The following MICAL2 variants were observed in gnomAD, a reference collection of about 807,000 sequenced individuals.
MICAL2 encodes the protein [F-actin]-monooxygenase MICAL2.
MICAL2 carries 77 observed loss-of-function variants against 127.3 expected under a neutral mutation model. That is an observed-to-expected ratio of 0.60 (90% confidence interval 0.50 to 0.73). MICAL2 has a LOEUF of 0.73. Ranked by LOEUF, MICAL2 falls within the 30% of genes least tolerant of loss-of-function variation. The probability of loss-of-function intolerance (pLI) is 0.00; values close to 1 mark genes in which losing one functional copy is unlikely to be tolerated. For synonymous variants in MICAL2, 570 were observed against 551.1 expected (o/e 1.03, Z -0.48); for missense variants, 1,351 against 1,434.4 (o/e 0.94, Z 0.94).
chr11:12,355,112 G>T (rs1939110838), intron 34 of MICAL2, among the ~76,000 whole-genome samples: 1 of 152,200 alleles, frequency 6.6e-6, no homozygotes, highest in Non-Finnish European at 1.5e-5. Flanking sequence ...ATTCATTCAT[G>T]TATCCACCCA....
intron 29 of MICAL2, among the ~76,000 whole-genome samples, chr11:12,311,497 T>C (rs12793369): frequency 0.4 from 60,778 of 151,884 alleles, 14,778 homozygotes; most frequent in Non-Finnish European, 0.55. Flanking sequence ...CTGCAACCTC[T>C]GCCTCTGGGG....
chr11:12,126,422 C>A (rs895697194), intron 1 of MICAL2, among the ~76,000 whole-genome samples: 8 of 152,122 alleles, frequency 5.3e-5, no homozygotes, highest in African/African-American at 1.9e-4. Context: ...GTCTAACATC[C>A]TTTGAAAACA....
rs760224619 is a variant in MICAL2, at chr11:12,258,473, T to C, written c.3148T>C (p.Phe1050Leu). 6 of 1,613,974 alleles carry C rather than the reference T, an allele frequency of 3.7e-6. No individual in the cohort carries two copies. Among genetic ancestry groups the C allele is most frequent in the Non-Finnish European group, 4.2e-6 (5 of 1,179,970 alleles). Residue 1050 changes from phenylalanine (F) to leucine (L), a missense_variant, in exon 25 of 28, where the codon TTT becomes CTT. Phe to Leu is a conservative substitution (Grantham distance 22, BLOSUM62 0). Coordinates refer to ENST00000683283, the MANE Select transcript of MICAL2 (RefSeq NM_001282663.2). ...AYTFDCDEGK[F>L]YCKPHFIHCK... ...GTGTGTGCCTCTTTTTACAGGCAAA[T>C]TTTACTGCAAGCCTCACTTCATTCA...
intron 2 of MICAL2, among the ~76,000 whole-genome samples, chr11:12,160,071 C>T (rs1168531681): frequency 6.6e-6 from 1 of 151,818 alleles, no homozygotes; most frequent in Admixed American, 6.6e-5. Context: ...GTGCTAGTCT[C>T]CCTTCAAGCC....
intron 13 of MICAL2, 106 bp downstream of exon 13, chr11:12,224,926 C>T: frequency 7.3e-7 from 1 of 1,361,812 alleles, no homozygotes. Context: ...TTCTGTGTTT[C>T]AATTTGAGAT....
At position 12,242,282 on chromosome 11, in the gene MICAL2, C is replaced by T; in HGVS notation, c.2406C>T (p.Cys802=). The T allele has an allele frequency of 6.2e-7, 1 of 1,614,042 alleles. No homozygotes were observed. Among genetic ancestry groups the T allele is most frequent in the Admixed American group, 1.7e-5 (1 of 60,006 alleles). ...ELKQVSAGSE[C]LSRPWRARAK... is the part of the protein sequence containing the mutation. ...AGCAAGTGTCTGCTGGCAGTGAGTG[C>T]CTGAGCAGACCTTGGAGAGCCAGAG... is the stretch of plus-strand genomic sequence containing the variant. Residue 802 remains cysteine, a synonymous_variant, in exon 19 of 28, where the codon TGC becomes TGT. Transcript: ENST00000683283.
intron 3 of MICAL2, among the ~76,000 whole-genome samples, chr11:12,164,597 C>G (rs1855249661): frequency 6.6e-6 from 1 of 152,182 alleles, no homozygotes; most frequent in Non-Finnish European, 1.5e-5. Flanking sequence ...ACACATTTTT[C>G]TCCATGTTCG....
At chr11:12,281,736 G>T (rs1427164811) in intron 2 of MICAL2, among the ~76,000 whole-genome samples, 1 of 152,216 alleles carries the variant, frequency 6.6e-6, no homozygotes, top group African/African-American at 2.4e-5. Context: ...AGGCTGAGTG[G>T]TCTCCCGAAG....
intron 2 of MICAL2, among the ~76,000 whole-genome samples, chr11:12,152,346 T>G (rs1340436333): frequency 6.8e-6 from 1 of 146,656 alleles, no homozygotes; most frequent in Non-Finnish European, 1.5e-5. Context: ...ATCAAAGGTC[T>G]AGACCAAAGA....
At chr11:12,246,838 A>G (rs1347360527) in intron 21 of MICAL2, among the ~76,000 whole-genome samples, 1 of 152,250 alleles carries the variant, frequency 6.6e-6, no homozygotes, top group Non-Finnish European at 1.5e-5. Context: ...GTATTGATGA[A>G]TAAGAGTTAA....
chr11:12,349,555 G>A (rs4757382), intron 32 of MICAL2, among the ~76,000 whole-genome samples: 38,525 of 152,042 alleles, frequency 0.25, 5,375 homozygotes, highest in East Asian at 0.45. Context: ...GGCAGGGGGA[G>A]GGTCGTTTGT....
intron 6 of MICAL2, among the ~76,000 whole-genome samples, chr11:12,212,358 T>A (rs748880049): frequency 8.5e-5 from 13 of 152,156 alleles, no homozygotes; most frequent in Non-Finnish European, 1.8e-4. Flanking sequence ...ATGCATATTG[T>A]CCCAGCTACT....
At chr11:12,347,868 A>AGT (rs1938981039) in intron 32 of MICAL2, among the ~76,000 whole-genome samples, 1 of 152,118 alleles carries the variant, frequency 6.6e-6, no homozygotes, top group East Asian at 1.9e-4. Flanking sequence ...AAAATGACAT[A>AGT]GCAGGCCAGG....
intron 4 of MICAL2, among the ~76,000 whole-genome samples, chr11:12,207,363 C>T (rs763466329): frequency 6.6e-6 from 1 of 152,166 alleles, no homozygotes; most frequent in Admixed American, 6.5e-5. Flanking sequence ...ACAGAAGGGC[C>T]CACAGAAAGT....
At chr11:12,288,069 C>A (rs909854108), downstream of MICAL2, among the ~76,000 whole-genome samples, 16 of 152,184 alleles carry the variant, frequency 1.1e-4, no homozygotes, top group Admixed American at 9.8e-4. Context: ...CCCCACCATC[C>A]CCAGACGCAC....
Position 12,324,159 on chromosome 11 carries a change from T to G in MICAL2, c.5421+89T>G. Reference sequence around the variant, plus strand: ...GAAAGAGTTTTGGGGGTCTGCATTGTATTAGGGAAAGCAGGCTGGAGAAAG... The same window carrying G: ...GAAAGAGTTTTGGGGGTCTGCATTGGATTAGGGAAAGCAGGCTGGAGAAAG... On this transcript the variant is annotated intron_variant, in intron 31 of 34. Transcript: ENST00000646065. 2.8e-6 allele frequency: 4 copies of G among 1,450,718 alleles called. No homozygotes were observed. The Admixed American group carries it at 7.4e-5, about 27-fold the overall frequency. 89.9% of individuals were successfully genotyped at this position (1,450,718 alleles called of 1,614,324 possible). A position where few individuals can be genotyped will look rare whatever the true frequency, so the allele number is the denominator to read the frequency against.
At chr11:12,175,585 C>CTGTGTGTGTGTGTG (rs71313462) in intron 3 of MICAL2, among the ~76,000 whole-genome samples, 2 of 149,780 alleles carry the variant, frequency 1.3e-5, no homozygotes, top group Non-Finnish European at 3.0e-5. Context: ...TGTGGGGAGT[C>CTGTGTGTGTGTGTG]TGTGTGTGTG....
intron 29 of MICAL2, among the ~76,000 whole-genome samples, chr11:12,318,312 A>T (rs143757176): frequency 3.3e-4 from 50 of 152,366 alleles, no homozygotes; most frequent in African/African-American, 1.2e-3. Flanking sequence ...TTTAGTGGCT[A>T]GAAGTGGGAA....
downstream of MICAL2, among the ~76,000 whole-genome samples, chr11:12,296,049 T>C (rs1472143343): frequency 6.6e-6 from 1 of 152,002 alleles, no homozygotes; most frequent in African/African-American, 2.4e-5. Context: ...ATAATCAGAG[T>C]AATCCAACAA....
Sources: gnomAD v4.1 joint callset for allele counts (sites outside exome capture counted in the v4.1 genomes callset) on GRCh38, gnomAD v4.1.1 for gene constraint, MANE v1.5 for transcripts, NCBI Gene and HGNC (gene_info 2026-07-23, HGNC 2026-07-21) for gene names.